NRG3: variants seen among roughly 807,000 people sequenced by gnomAD.
The protein encoded by NRG3 is pro-neuregulin-3, membrane-bound isoform.
NRG3 carries 31 observed loss-of-function variants against 66.9 expected under a neutral mutation model. The ratio of observed to expected loss-of-function variants is 0.46; its 90% CI spans 0.35 to 0.63. NRG3 has a LOEUF of 0.63. Ranked by LOEUF, NRG3 falls within the 20% of genes least tolerant of loss-of-function variation. The pLI is 0.00. For synonymous variants in NRG3, 393 were observed against 359.4 expected (o/e 1.09, Z -1.06); for missense variants, 910 against 878.9 (o/e 1.04, Z -0.45).
At chr10:82,123,770 G>A (rs1448044276) in intron 1 of NRG3, among the ~76,000 whole-genome samples, 1 of 152,050 alleles carries the variant, frequency 6.6e-6, no homozygotes, top group Non-Finnish European at 1.5e-5. Context: ...CTGAACAGTG[G>A]AATCGTCTGG....
chr10:82,574,657 A>G (rs1336601650), intron 2 of NRG3, among the ~76,000 whole-genome samples: 2 of 151,822 alleles, frequency 1.3e-5, no homozygotes, highest in East Asian at 3.9e-4. Flanking sequence ...ATAAATGTTT[A>G]TAATTATGTA....
chr10:82,069,569 A>G (rs1451985760), intron 1 of NRG3, among the ~76,000 whole-genome samples: 8 of 152,158 alleles, frequency 5.3e-5, no homozygotes, highest in African/African-American at 1.9e-4. Flanking sequence ...CAAGATTCAG[A>G]CTCATGTCTG....
chr10:82,793,005 T>C (rs1204962143), intron 3 of NRG3, among the ~76,000 whole-genome samples: 4 of 152,070 alleles, frequency 2.6e-5, no homozygotes, highest in African/African-American at 9.7e-5. Flanking sequence ...TTTTTAATCC[T>C]ACCAATAAAC....
At chr10:82,724,914 T>C (rs929219175) in intron 2 of NRG3, among the ~76,000 whole-genome samples, 4 of 152,144 alleles carry the variant, frequency 2.6e-5, no homozygotes, top group African/African-American at 9.7e-5. Context: ...ACTGTTTTGC[T>C]TCAGGGAATC....
At chr10:82,318,109 A>G (rs2081385674) in intron 1 of NRG3, among the ~76,000 whole-genome samples, 2 of 152,210 alleles carry the variant, frequency 1.3e-5, no homozygotes, top group South Asian at 4.2e-4. Context: ...TAAGCTATCA[A>G]TTTACATTGC....
chr10:82,973,736 G>A, intron 6 of NRG3, 52 bp from the exon 7 acceptor site: 1 of 1,606,210 alleles, frequency 6.2e-7, no homozygotes, highest in South Asian at 1.1e-5. Flanking sequence ...GGTGTTATAG[G>A]CCCTCCATAA....
At chr10:82,032,755 G>A (rs2062627973) in intron 1 of NRG3, among the ~76,000 whole-genome samples, 1 of 151,968 alleles carries the variant, frequency 6.6e-6, no homozygotes, top group African/African-American at 2.4e-5. Context: ...TTGACAGTTT[G>A]GAGACTACAT....
At chr10:82,634,613 T>G (rs1237134953) in intron 2 of NRG3, among the ~76,000 whole-genome samples, 2 of 152,192 alleles carry the variant, frequency 1.3e-5, no homozygotes, top group Non-Finnish European at 2.9e-5. Flanking sequence ...CATATCTTAT[T>G]TAGAGAAATA....
intron 2 of NRG3, among the ~76,000 whole-genome samples, chr10:82,387,336 A>G (rs1445493028): frequency 6.6e-6 from 1 of 152,182 alleles, no homozygotes; most frequent in Non-Finnish European, 1.5e-5. Context: ...TCAAGGAAAG[A>G]ATGGAATGCA....
intron 3 of NRG3, among the ~76,000 whole-genome samples, chr10:82,781,392 CAATTAGGA>C (rs1266479433): frequency 5.9e-5 from 9 of 152,118 alleles, no homozygotes; most frequent in Non-Finnish European, 1.5e-5. Context: ...CTGACCTTAT[CAATTAGGA>C]CCCTGTGCTA....
chr10:82,297,670 G>T (rs1337544838), intron 1 of NRG3, among the ~76,000 whole-genome samples: 3 of 151,734 alleles, frequency 2.0e-5, no homozygotes, highest in African/African-American at 4.8e-5. Flanking sequence ...TCTTTGAGAT[G>T]GATCATAATG....
intron 4 of NRG3, among the ~76,000 whole-genome samples, chr10:82,920,124 G>A (rs1270787023): frequency 1.3e-5 from 2 of 152,120 alleles, no homozygotes; most frequent in African/African-American, 4.8e-5. Context: ...CCAGACACCT[G>A]AGTTTGTGAA....
intron 3 of NRG3, among the ~76,000 whole-genome samples, chr10:82,741,491 C>A (rs2058421959): frequency 6.6e-6 from 1 of 152,146 alleles, no homozygotes; most frequent in Non-Finnish European, 1.5e-5. Flanking sequence ...ATAATGTCAG[C>A]CCACTTCCCT....
intron 2 of NRG3, among the ~76,000 whole-genome samples, chr10:82,675,959 A>G (rs2053651008): frequency 6.6e-6 from 1 of 152,218 alleles, no homozygotes; most frequent in Non-Finnish European, 1.5e-5. Context: ...CCATCCAAAT[A>G]TAAAAATATT....
chr10:82,235,017 G>T (rs1255378849), intron 1 of NRG3, among the ~76,000 whole-genome samples: 1 of 152,222 alleles, frequency 6.6e-6, no homozygotes, highest in Admixed American at 6.5e-5. Flanking sequence ...AATAATTTTT[G>T]TGTGTGACAT....
chr10:82,295,211 C>T (rs376065118), intron 1 of NRG3, among the ~76,000 whole-genome samples: 2 of 152,172 alleles, frequency 1.3e-5, no homozygotes, highest in Admixed American at 1.3e-4. Flanking sequence ...GCAATGTTGA[C>T]TGTCAACAGT....
rs10652539 is a variant in NRG3 at position 82,491,293 on chromosome 10, AATATATAT to A, written c.953+132441_953+132448del. ...GATTCTGCCTATGCTGTTCCCATAA[AATATATAT>A]ATATATATATATATAAAATAAAGAT... On this transcript the variant is annotated intron_variant, in intron 2 of 8. Coordinates refer to ENST00000372141, the MANE Select transcript of NRG3 (RefSeq NM_001010848.4). Among the ~76,000 whole-genome samples the A allele has an allele frequency of 4.9e-5, 4 of 82,186 alleles. No individual in the cohort carries two copies. The South Asian group carries it at 2.4e-3, about 49-fold the overall frequency. 53.9% of individuals were successfully genotyped at this position (82,186 alleles called of 152,430 possible).
intron 2 of NRG3, among the ~76,000 whole-genome samples, chr10:82,704,926 G>C (rs1228015114): frequency 1.3e-5 from 2 of 152,144 alleles, no homozygotes; most frequent in African/African-American, 4.8e-5. Context: ...CATCAAGAAG[G>C]CAGGTTGGAC....
At chr10:81,981,269 G>A (rs565603806) in intron 1 of NRG3, among the ~76,000 whole-genome samples, 15 of 152,206 alleles carry the variant, frequency 9.9e-5, no homozygotes, top group South Asian at 2.1e-4. Flanking sequence ...TACAAGTTCC[G>A]TATATTGAAA....
Sources: allele counts gnomAD v4.1 joint callset (sites outside exome capture counted in the v4.1 genomes callset), GRCh38; gene constraint gnomAD v4.1.1; transcripts MANE v1.5; gene names NCBI Gene and HGNC (gene_info 2026-07-23, HGNC 2026-07-21).